The following PLA2G4D variants were observed in gnomAD, a reference collection of about 807,000 sequenced individuals.
PLA2G4D encodes the protein phospholipase A2 group IVD.
PLA2G4D carries 80 observed loss-of-function variants against 94.4 expected under a neutral mutation model. The ratio of observed to expected loss-of-function variants is 0.85; its 90% CI spans 0.71 to 1.02. The LOEUF (loss-of-function observed/expected upper bound fraction) is 1.02, where lower values mean the gene tolerates loss of function less well. PLA2G4D is among the 50% of genes least tolerant of loss of function. PLA2G4D has a pLI of 0.00. For missense variants in PLA2G4D, 1,050 were observed against 1,034.7 expected, an observed-to-expected ratio of 1.01 and a Z score of -0.20; for synonymous variants, 438 against 440.9, an observed-to-expected ratio of 0.99 and a Z score of 0.08.
In PLA2G4D at chr15:42,094,492, C is replaced by T; in HGVS notation, c.-33G>A. 6.2e-7 allele frequency: 1 copy of T among 1,613,910 alleles called. No individual in the cohort carries two copies. Among genetic ancestry groups the T allele is most frequent in the South Asian group, 1.1e-5 (1 of 91,062 alleles). ...CTTCCAGCTTCACTCCAGGCCCAGCCCTTGCCAAGATGCTGGCTCTCTGGC... is the reference window on the plus strand; with the variant it reads ...CTTCCAGCTTCACTCCAGGCCCAGCTCTTGCCAAGATGCTGGCTCTCTGGC... On this transcript the variant is annotated 5_prime_UTR_variant, in exon 1 of 20. Coordinates refer to ENST00000290472, the MANE Select transcript of PLA2G4D (RefSeq NM_178034.4).
chr15:42,093,872 G>C (rs1890290401), intron 1 of PLA2G4D, among the ~76,000 whole-genome samples: 1 of 152,240 alleles, frequency 6.6e-6, no homozygotes. Flanking sequence ...GTCCCTGGCA[G>C]AGGATGAAAA....
intron 13 of PLA2G4D, among the ~76,000 whole-genome samples, chr15:42,076,806 A>T (rs765762061): frequency 2.6e-5 from 4 of 152,244 alleles, no homozygotes; most frequent in Non-Finnish European, 5.9e-5. Context: ...TACCTAGGAA[A>T]GTTGAAGGTG....
intron 1 of PLA2G4D, among the ~76,000 whole-genome samples, chr15:42,091,659 G>A (rs1036998049): frequency 3.5e-4 from 53 of 152,256 alleles, no homozygotes; most frequent in Middle Eastern, 3.4e-3. Context: ...AGGCTCGCCC[G>A]CAGTTACCTG....
At chr15:42,089,069 C>G (rs1157122204) in intron 1 of PLA2G4D, among the ~76,000 whole-genome samples, 2 of 152,238 alleles carry the variant, frequency 1.3e-5, no homozygotes, top group Non-Finnish European at 2.9e-5. Context: ...CTTCTCAGAC[C>G]CTATGTCCCT....
intron 9 of PLA2G4D, among the ~76,000 whole-genome samples, 178 bp from the exon 10 acceptor site, chr15:42,082,012 A>ACCTCCGC (rs1165653771): frequency 6.8e-6 from 1 of 146,410 alleles, no homozygotes; most frequent in East Asian, 2.0e-4. Flanking sequence ...GCTCAATGCA[A>ACCTCCGC]CCTCCGCCTC....
chr15:42,087,315 G>A lies in PLA2G4D; in HGVS notation c.240C>T (p.Ile80=), dbSNP rs779013926. 8.7e-6 allele frequency: 14 copies of A among 1,614,040 alleles called. No homozygotes were observed. The highest frequency in any genetic ancestry group is 6.7e-5 in the Admixed American group (4 of 60,002). Reference sequence around the variant, plus strand: ...GGGCCTTCACCTTGACCTGACTTTGGATAAGGAAACGGAAGGCCTCATTCC... The same window carrying A: ...GGGCCTTCACCTTGACCTGACTTTGAATAAGGAAACGGAAGGCCTCATTCC... ...PVWNEAFRFL[I]QSQVKNVLEL... is the part of the protein sequence containing the mutation. The change falls in exon 3 of 20, where the codon ATC becomes ATT. Residue 80 remains isoleucine, a synonymous_variant. Coordinates refer to ENST00000290472, the MANE Select transcript of PLA2G4D (RefSeq NM_178034.4).
At chr15:42,069,324 C>G (rs979274846) in intron 19 of PLA2G4D, among the ~76,000 whole-genome samples, 4 of 151,940 alleles carry the variant, frequency 2.6e-5, no homozygotes, top group Admixed American at 6.6e-5. Context: ...GATGAAGGTT[C>G]TTTAGAATTC....
At position 42,070,769 on chromosome 15, in the gene PLA2G4D, C is replaced by T. The variant is rs780864125; in HGVS notation, c.1991G>A (p.Arg664His). 8.8e-6 allele frequency: 14 copies of T among 1,589,570 alleles called. No individual in the cohort carries two copies. In the Admixed American group the frequency reaches 8.8e-5, roughly 10 times the overall value. The change falls in exon 18 of 20, where the codon CGC becomes CAC. Residue 664 changes from arginine (R) to histidine (H), a missense_variant. Physicochemically the swap from Arg to His is conservative, Grantham distance 29. Transcript: ENST00000290472. Reference protein sequence around the residue: ...TSSPSMFRPGRRLDLILSFDY... With the variant: ...TSSPSMFRPGHRLDLILSFDY... ...GAAGGAGAGGATGAGGTCCAGCCTG[C>T]GGCCTGGCCGGAACATGGAGGGAGA...
chr15:42,083,436 A>G, intron 7 of PLA2G4D, 102 bp from the exon 8 acceptor site: 1 of 1,488,572 alleles, frequency 6.7e-7, no homozygotes, highest in Non-Finnish European at 9.0e-7. Context: ...GATGCCTGGG[A>G]GGCTGGGCCA....
Position 42,081,599 on chromosome 15 carries a change from G to A in PLA2G4D, c.837C>T (p.Ala279=), listed in dbSNP as rs774596993. ...CACAGAGATTGAAGCCCAGGTGCAC[G>A]GCCAGCTCCTCAGGGCTGTGGCAAT... ...LKAEGCPEEL[A]VHLGFNLCAE... The change falls in exon 11 of 20, where the codon GCC becomes GCT. Residue 279 remains alanine, a synonymous_variant. Coordinates refer to ENST00000290472, the MANE Select transcript of PLA2G4D (RefSeq NM_178034.4). 3.8e-5 allele frequency: 62 copies of A among 1,614,022 alleles called. No individual in the cohort carries two copies. Among genetic ancestry groups the A allele is most frequent in the East Asian group, 2.5e-4 (11 of 44,894 alleles).
At position 42,086,194 on chromosome 15, in the gene PLA2G4D, T is replaced by TGGGC; in HGVS notation, c.387+18_387+19insGCCC. On this transcript the variant is annotated intron_variant, in intron 4 of 19. Transcript: ENST00000290472. Reference sequence around the variant, plus strand: ...GGAAGAAGTGGGGCCCACGGGGACTTCCCCACCCACCCACCCACCTGGGGA... The same window carrying TGGGC: ...GGAAGAAGTGGGGCCCACGGGGACTTGGGCCCCCACCCACCCACCCACCTGGGGA... The TGGGC allele has an allele frequency of 1.5e-6, 2 of 1,370,440 alleles. No homozygotes were observed. The highest frequency in any genetic ancestry group is 1.9e-6 in the Non-Finnish European group (2 of 1,043,080). 84.9% of individuals were successfully genotyped at this position (1,370,440 alleles called of 1,614,324 possible). A position where few individuals can be genotyped will look rare whatever the true frequency, so the allele number is the denominator to read the frequency against.
intron 13 of PLA2G4D, among the ~76,000 whole-genome samples, chr15:42,075,092 T>G (rs1889892618): frequency 6.6e-6 from 1 of 152,186 alleles, no homozygotes; most frequent in South Asian, 2.1e-4. Context: ...CCCAGCTAAT[T>G]TTTTAACTTT....
At chr15:42,086,716 G>A (rs1209515474) in intron 3 of PLA2G4D, among the ~76,000 whole-genome samples, 1 of 152,124 alleles carries the variant, frequency 6.6e-6, no homozygotes, top group Non-Finnish European at 1.5e-5. Flanking sequence ...TCTGGACATG[G>A]TGGTGGGTGC....
At chr15:42,086,411 GC>G in intron 3 of PLA2G4D, 67 bp from the exon 4 acceptor site, 1 of 1,533,948 alleles carries the variant, frequency 6.5e-7, no homozygotes, top group Non-Finnish European at 8.9e-7. Context: ...CCTCTGTTGA[GC>G]CCTTACTTGA....
Position 42,082,300 on chromosome 15 carries a change from A to C in PLA2G4D, c.762T>G (p.Thr254=). ...LRPLTIGKEV[T]MDVPAPNAPG... is the part of the protein sequence containing the mutation. Reference sequence around the variant, plus strand: ...TTACATTTGGAGCAGGAACATCCATAGTCACCTCCTTCCCAATGGTCAAGG... The same window carrying C: ...TTACATTTGGAGCAGGAACATCCATCGTCACCTCCTTCCCAATGGTCAAGG... The change falls in exon 9 of 20, where the codon ACT becomes ACG. Residue 254 remains threonine (T), a synonymous_variant. Coordinates refer to ENST00000290472, the MANE Select transcript of PLA2G4D (RefSeq NM_178034.4). 1 of 1,614,014 alleles carries C rather than the reference A, an allele frequency of 6.2e-7. No individual in the cohort carries two copies. The highest frequency in any genetic ancestry group is 8.5e-7 in the Non-Finnish European group (1 of 1,179,912).
In PLA2G4D at chr15:42,081,649, C is replaced by A. The variant is rs781556960; in HGVS notation, c.822-35G>T. The A allele has an allele frequency of 1.7e-5, 28 of 1,611,692 alleles. No individual in the cohort carries two copies. In the East Asian group the frequency reaches 6.2e-4, roughly 36 times the overall value. On this transcript the variant is annotated intron_variant, in intron 10 of 19. Transcript: ENST00000290472. ...TGGAGGATCCAGGGGTCAGGGGACA[C>A]CTGCATAGCTCAGCCACTGGCTGGC...
intron 13 of PLA2G4D, among the ~76,000 whole-genome samples, chr15:42,076,343 T>TA (rs1365389993): frequency 3.3e-5 from 5 of 152,130 alleles, no homozygotes; most frequent in African/African-American, 1.2e-4. Flanking sequence ...AATAAATCTT[T>TA]AAAAATTTTA....
chr15:42,070,622 C>T (rs962076981), intron 18 of PLA2G4D, 95 bp downstream of exon 18: 137 of 1,377,616 alleles, frequency 9.9e-5, no homozygotes, highest in Non-Finnish European at 1.0e-4. Context: ...CTTCGGGACC[C>T]CGGCGGTGTG....
intron 19 of PLA2G4D, among the ~76,000 whole-genome samples, chr15:42,069,413 G>A (rs543212667): frequency 1.3e-5 from 2 of 152,152 alleles, no homozygotes; most frequent in South Asian, 2.1e-4. Context: ...TGGGAATATC[G>A]CACAAAGGCA....
Sources: gnomAD v4.1 joint callset for allele counts (sites outside exome capture counted in the v4.1 genomes callset) on GRCh38, gnomAD v4.1.1 for gene constraint, MANE v1.5 for transcripts, NCBI Gene and HGNC (gene_info 2026-07-23, HGNC 2026-07-21) for gene names.